The following MALT1 variants were observed in gnomAD, a reference collection of about 807,000 sequenced individuals.
The protein encoded by MALT1 is MALT1 paracaspase.
MALT1 carries 36 observed loss-of-function variants against 85.5 expected under a neutral mutation model. The ratio of observed to expected loss-of-function variants is 0.42; its 90% CI spans 0.32 to 0.56. The LOEUF (loss-of-function observed/expected upper bound fraction) is 0.56. Among genes scored for constraint, MALT1 ranks in the 20% least tolerant of loss-of-function variants. The probability of loss-of-function intolerance (pLI) is 0.10; values close to 1 mark genes in which losing one functional copy is unlikely to be tolerated. For synonymous variants in MALT1, 359 were observed against 361.3 expected (o/e 0.99, Z 0.07); for missense variants, 716 against 981.6 (o/e 0.73, Z 3.62).
chr18:58,696,758 A>G (rs1193117744), intron 3 of MALT1, among the ~76,000 whole-genome samples: 1 of 152,232 alleles, frequency 6.6e-6, no homozygotes, highest in East Asian at 1.9e-4. Flanking sequence ...GTTAGCGAGT[A>G]TAAAACATCA....
At chr18:58,745,944 T>C (rs2055360398) in intron 16 of MALT1, among the ~76,000 whole-genome samples, 153 bp downstream of exon 16, 1 of 152,206 alleles carries the variant, frequency 6.6e-6, no homozygotes, top group Admixed American at 6.5e-5. Flanking sequence ...ATATTCTGTT[T>C]CCGATGGTGA....
chr18:58,725,629 A>G (rs970287146), intron 10 of MALT1, among the ~76,000 whole-genome samples: 5 of 152,212 alleles, frequency 3.3e-5, no homozygotes, highest in Admixed American at 2.0e-4. Flanking sequence ...AAAAATATTG[A>G]TCAGTTTAGG....
chr18:58,725,125 G>A (rs34398031), intron 10 of MALT1, among the ~76,000 whole-genome samples: 58,630 of 147,108 alleles, frequency 0.4, 13,966 homozygotes, highest in Non-Finnish European at 0.52. Context: ...GCAAGACTCC[G>A]TCTCAAAAAA....
intron 2 of MALT1, chr18:58,690,515 C>G: frequency 5.8e-6 from 1 of 172,868 alleles, no homozygotes; most frequent in Middle Eastern, 7.0e-4. Flanking sequence ...GATCCCTGGA[C>G]CGGAGCCCAT....
intron 8 of MALT1, among the ~76,000 whole-genome samples, chr18:58,714,837 A>G (rs1196786767): frequency 6.6e-6 from 1 of 152,206 alleles, no homozygotes; most frequent in Non-Finnish European, 1.5e-5. Context: ...GGAATAGTTT[A>G]AGAAGGTGGT....
intron 9 of MALT1, among the ~76,000 whole-genome samples, chr18:58,721,962 C>T (rs2054989631): frequency 6.6e-6 from 1 of 152,200 alleles, no homozygotes; most frequent in African/African-American, 2.4e-5. Flanking sequence ...GTGCTCTTGT[C>T]ACCCTGTCTC....
Position 58,744,484 on chromosome 18 carries a change from G to A in MALT1, c.1900G>A (p.Asp634Asn), listed in dbSNP as rs1312257807. Residue 634 changes from aspartate to asparagine, a missense_variant, in exon 15 of 17, where the codon GAT (aspartate) becomes AAT (asparagine). Around this residue, in one of 4 missense-constraint regions of MALT1, gnomAD observed 260 missense variants for 323.7 expected, o/e 0.80. Transcript: ENST00000649217. ...EIIMCDAYVTDFPLDLDIDPK... is the reference protein window; with the variant it reads ...EIIMCDAYVTNFPLDLDIDPK... Reference sequence around the variant, plus strand: ...AATAATGTGTGATGCCTACGTTACTGATTTTCCACTTGTGAGTCTCTTCTT... The same window carrying A: ...AATAATGTGTGATGCCTACGTTACTAATTTTCCACTTGTGAGTCTCTTCTT... The A allele has an allele frequency of 6.3e-7, 1 of 1,597,078 alleles. No homozygotes were observed. Among genetic ancestry groups the A allele is most frequent in the East Asian group, 2.3e-5 (1 of 44,024 alleles).
At chr18:58,671,902 CTGCGGTGGGGAGGTGGGG>C in intron 1 of MALT1, 50 bp downstream of exon 1, 2 of 1,161,500 alleles carry the variant, frequency 1.7e-6, no homozygotes, top group Non-Finnish European at 2.1e-6. Flanking sequence ...GCGGGGTGGG[CTGCGGTGGGGAGGTGGGG>C]GCGCTGTCGG....
At chr18:58,719,327 C>G (rs542279682) in intron 9 of MALT1, among the ~76,000 whole-genome samples, 4 of 116,758 alleles carry the variant, frequency 3.4e-5, no homozygotes, top group Admixed American at 1.5e-4. Flanking sequence ...CTCTCTCTCT[C>G]TCTTTCTCTT....
intron 2 of MALT1, among the ~76,000 whole-genome samples, chr18:58,692,769 T>C (rs957718312): frequency 2.6e-5 from 4 of 152,202 alleles, no homozygotes; most frequent in African/African-American, 9.7e-5. Context: ...AGGCCTCTTG[T>C]GCCAGTTAAC....
intron 2 of MALT1, among the ~76,000 whole-genome samples, 195 bp downstream of exon 2, chr18:58,681,531 A>G (rs778862710): frequency 3.8e-4 from 58 of 152,230 alleles, no homozygotes; most frequent in Non-Finnish European, 7.6e-4. Flanking sequence ...AACCAGCTAC[A>G]TGAGACATTT....
intron 4 of MALT1, among the ~76,000 whole-genome samples, chr18:58,707,567 C>T (rs2054771253): frequency 6.6e-6 from 1 of 152,010 alleles, no homozygotes; most frequent in Non-Finnish European, 1.5e-5. Flanking sequence ...TAATGCTGTC[C>T]CTACCCTAAC....
rs532168926 is a variant in MALT1 at position 58,732,095 on chromosome 18, A to G, written c.1223-1302A>G. Among the ~76,000 whole-genome samples, 16 of 152,314 alleles carry G rather than the reference A, an allele frequency of 1.1e-4. No homozygotes were observed. The East Asian group carries it at 3.1e-3, about 29-fold the overall frequency. Reference sequence around the variant, plus strand: ...GCATTCTCTGCTAGGAGTCGGGGCCATAATTACAATGGATTAGCTACTTTT... The same window carrying G: ...GCATTCTCTGCTAGGAGTCGGGGCCGTAATTACAATGGATTAGCTACTTTT... On this transcript the variant is annotated intron_variant, in intron 10 of 16. Coordinates refer to ENST00000649217, the MANE Select transcript of MALT1 (RefSeq NM_006785.4).
intron 15 of MALT1, among the ~76,000 whole-genome samples, chr18:58,744,770 G>T (rs2055345345): frequency 2.0e-5 from 3 of 152,036 alleles, no homozygotes; most frequent in African/African-American, 7.2e-5. Flanking sequence ...AATAAAATGT[G>T]CTATAAATAT....
intron 14 of MALT1, among the ~76,000 whole-genome samples, chr18:58,742,816 A>G (rs796073311): frequency 1.3e-5 from 2 of 152,368 alleles, no homozygotes; most frequent in African/African-American, 4.8e-5. Context: ...ACTTTTGATT[A>G]TTCGTATAAC....
intron 2 of MALT1, among the ~76,000 whole-genome samples, chr18:58,684,509 T>C (rs1382657893): frequency 6.7e-6 from 1 of 149,140 alleles, no homozygotes; most frequent in Non-Finnish European, 1.5e-5. Flanking sequence ...TGCAATGTCA[T>C]GATTTTGGCT....
intron 11 of MALT1, chr18:58,733,775 C>T: frequency 2.6e-6 from 2 of 756,046 alleles, no homozygotes; most frequent in South Asian, 4.7e-5. Context: ...TGCTATAGAA[C>T]ACAAATGAAG....
intron 13 of MALT1, among the ~76,000 whole-genome samples, chr18:58,735,607 T>A (rs2144467119): frequency 6.6e-6 from 1 of 152,254 alleles, no homozygotes; most frequent in Non-Finnish European, 1.5e-5. Flanking sequence ...TAAAGTTGAA[T>A]TCTCAGAGCT....
At chr18:58,719,491 T>C (rs1274138014) in intron 9 of MALT1, among the ~76,000 whole-genome samples, 1 of 152,204 alleles carries the variant, frequency 6.6e-6, no homozygotes, top group Non-Finnish European at 1.5e-5. Context: ...ATGTAGCTGT[T>C]TTCTTTATGT....
Sources: allele counts gnomAD v4.1 joint callset (sites outside exome capture counted in the v4.1 genomes callset), GRCh38; gene constraint gnomAD v4.1.1; regional missense constraint gnomAD v4.1.1; transcripts MANE v1.5; gene names NCBI Gene and HGNC (gene_info 2026-07-23, HGNC 2026-07-21).